TTC29: variants seen among roughly 807,000 people sequenced by gnomAD.
TTC29 encodes the protein tetratricopeptide repeat domain 29.
A neutral mutation model predicts 58.1 loss-of-function variants in TTC29; 49 were observed. The ratio of observed to expected loss-of-function variants is 0.84; its 90% CI spans 0.67 to 1.07. The LOEUF (loss-of-function observed/expected upper bound fraction) is 1.07. TTC29 is among the 50% of genes least tolerant of loss of function. The pLI is 0.00. For synonymous variants in TTC29, 209 were observed against 196.8 expected (o/e 1.06, Z -0.52); for missense variants, 582 against 555.6 (o/e 1.05, Z -0.48).
At chr4:146,758,765 T>G (rs1276640858) in intron 11 of TTC29, among the ~76,000 whole-genome samples, 1 of 152,044 alleles carries the variant, frequency 6.6e-6, no homozygotes, top group African/African-American at 2.4e-5. Context: ...GAAATGAAGA[T>G]GGAAATTAAA....
At chr4:146,810,079 A>G (rs1047588009) in intron 10 of TTC29, among the ~76,000 whole-genome samples, 1 of 152,224 alleles carries the variant, frequency 6.6e-6, no homozygotes, top group African/African-American at 2.4e-5. Context: ...AATACTATGC[A>G]GCTATAAAAA....
intron 9 of TTC29, among the ~76,000 whole-genome samples, chr4:146,827,431 G>A (rs988268051): frequency 6.6e-6 from 1 of 152,150 alleles, no homozygotes; most frequent in Non-Finnish European, 1.5e-5. Flanking sequence ...AGTATTGGTA[G>A]GATTAGGGTT....
At chr4:146,867,336 A>G (rs898665850) in intron 8 of TTC29, among the ~76,000 whole-genome samples, 162 bp downstream of exon 8, 3 of 152,184 alleles carry the variant, frequency 2.0e-5, no homozygotes, top group Non-Finnish European at 4.4e-5. Flanking sequence ...CCGATTTTTA[A>G]AATGCTTCTA....
Position 146,849,181 on chromosome 4 carries a change from TGTCTTATATCCATA to T in TTC29, c.886-15298_886-15285del, listed in dbSNP as rs1029611163. Among the ~76,000 whole-genome samples, 339 of 152,210 alleles carry T rather than the reference TGTCTTATATCCATA, an allele frequency of 2.2e-3. 2 individuals carry two copies. The highest frequency in any genetic ancestry group is 7.7e-3 in the African/African-American group (321 of 41,536). ...ATAGAGCAAAACTACATGTGCAGGG[TGTCTTATATCCATA>T]GTGCATTCAATCTTCACAGAACCTC... On this transcript the variant is annotated intron_variant, in intron 8 of 12. Transcript: ENST00000325106.
intron 11 of TTC29, among the ~76,000 whole-genome samples, chr4:146,727,428 T>C (rs1358868209): frequency 1.3e-5 from 2 of 152,210 alleles, no homozygotes; most frequent in East Asian, 3.8e-4. Context: ...GAAAAATATA[T>C]AATGACATGT....
intron 11 of TTC29, among the ~76,000 whole-genome samples, chr4:146,765,930 T>C (rs577134509): frequency 3.3e-5 from 5 of 152,230 alleles, no homozygotes; most frequent in African/African-American, 9.6e-5. Flanking sequence ...TCGGAATATA[T>C]GGCCTCTGCC....
chr4:146,790,301 G>C (rs1271778781), intron 11 of TTC29, among the ~76,000 whole-genome samples: 3 of 151,372 alleles, frequency 2.0e-5, no homozygotes, highest in African/African-American at 7.3e-5. Context: ...CCATTCTCCT[G>C]CCTCAGCCTC....
At chr4:146,827,164 G>C (rs1561164751) in intron 9 of TTC29, among the ~76,000 whole-genome samples, 1 of 151,986 alleles carries the variant, frequency 6.6e-6, no homozygotes, top group South Asian at 2.1e-4. Context: ...GGAGGGAGGG[G>C]GCTCCCCTTC....
chr4:146,742,804 T>C (rs1745263815), intron 11 of TTC29, among the ~76,000 whole-genome samples: 1 of 144,288 alleles, frequency 6.9e-6, no homozygotes, highest in Non-Finnish European at 1.5e-5. Flanking sequence ...TTCTTCCTCC[T>C]TTAAACCAAA....
At chr4:146,890,077 A>G (rs1579919242) in intron 6 of TTC29, among the ~76,000 whole-genome samples, 1 of 152,058 alleles carries the variant, frequency 6.6e-6, no homozygotes, top group Non-Finnish European at 1.5e-5. Flanking sequence ...CATTGACACC[A>G]CATTGAATAT....
At chr4:146,939,780 T>A (rs1463150789) in intron 3 of TTC29, 24 bp downstream of exon 3, 1 of 1,582,268 alleles carries the variant, frequency 6.3e-7, no homozygotes, top group African/African-American at 1.4e-5. Context: ...TGTAGGAAAA[T>A]AAGTAAAAAC....
chr4:146,943,143 C>G (rs1736568821), intron 2 of TTC29, among the ~76,000 whole-genome samples: 1 of 114,338 alleles, frequency 8.7e-6, no homozygotes, highest in African/African-American at 3.1e-5. Context: ...AGGGATATGT[C>G]TTCTTTGTCA....
At chr4:146,711,976 A>G (rs1321846797) in intron 11 of TTC29, among the ~76,000 whole-genome samples, 6 of 152,184 alleles carry the variant, frequency 3.9e-5, no homozygotes, top group Middle Eastern at 6.8e-3. Flanking sequence ...AAACTTGTCA[A>G]TCACACTTGA....
chr4:146,756,517 T>C (rs1297638226), intron 11 of TTC29, among the ~76,000 whole-genome samples: 2 of 152,144 alleles, frequency 1.3e-5, no homozygotes, highest in Non-Finnish European at 2.9e-5. Flanking sequence ...AGTAAAGGCA[T>C]AGTTCTCTAA....
At chr4:146,755,018 G>C (rs1337718047) in intron 11 of TTC29, among the ~76,000 whole-genome samples, 1 of 151,890 alleles carries the variant, frequency 6.6e-6, no homozygotes, top group Non-Finnish European at 1.5e-5. Flanking sequence ...AGAATGGTTT[G>C]AACCAATAAA....
intron 4 of TTC29, among the ~76,000 whole-genome samples, chr4:146,921,436 A>C (rs1332560614): frequency 6.6e-6 from 1 of 151,358 alleles, no homozygotes; most frequent in African/African-American, 2.4e-5. Flanking sequence ...AAAGTATAAA[A>C]TAGATTAGTA....
chr4:146,778,576 G>A (rs527398902), intron 11 of TTC29, among the ~76,000 whole-genome samples: 14 of 152,034 alleles, frequency 9.2e-5, no homozygotes, highest in African/African-American at 1.7e-4. Context: ...GTTAGAAATA[G>A]TTTCAGCTGT....
intron 7 of TTC29, among the ~76,000 whole-genome samples, chr4:146,870,963 A>G (rs1730888194): frequency 6.6e-6 from 1 of 152,012 alleles, no homozygotes; most frequent in South Asian, 2.1e-4. Context: ...AGCAATTAAG[A>G]GAAAACACCT....
intron 9 of TTC29, among the ~76,000 whole-genome samples, chr4:146,827,362 C>T (rs1727879946): frequency 6.6e-6 from 1 of 152,182 alleles, no homozygotes; most frequent in Non-Finnish European, 1.5e-5. Context: ...TGGCCCCGCC[C>T]CCACAGTAGC....
Sources: allele counts gnomAD v4.1 joint callset (sites outside exome capture counted in the v4.1 genomes callset), GRCh38; gene constraint gnomAD v4.1.1; transcripts MANE v1.5; gene names NCBI Gene and HGNC (gene_info 2026-07-23, HGNC 2026-07-21).